Variants in SGSM3 observed in about 807,000 individuals in gnomAD.
SGSM3 encodes RUN and SH3 containing 3.
Under a neutral mutation model 100.5 loss-of-function variants are expected in SGSM3, and 96 were observed. The ratio of observed to expected loss-of-function variants is 0.96; its 90% CI spans 0.81 to 1.13. The LOEUF (loss-of-function observed/expected upper bound fraction) is 1.13. SGSM3 is among the 50% of genes most tolerant of loss of function. The pLI, the probability that SGSM3 is intolerant of heterozygous loss-of-function variation, is 0.00. For missense variants in SGSM3, 1,001 were observed against 1,015.8 expected, an observed-to-expected ratio of 0.99 and a Z score of 0.20; for synonymous variants, 483 against 422.8, an observed-to-expected ratio of 1.14 and a Z score of -1.75.
In SGSM3 at chr22:40,408,125, G is replaced by C. The variant is rs1214731643; in HGVS notation, c.1629+5G>C. On this transcript the variant is annotated splice_donor_5th_base_variant and intron_variant, in intron 15 of 21. Transcript: ENST00000248929. ...CTGGATGAGCGCAGCAAAGAGGTGA[G>C]GGGGGTGGGCGGGCTAGGCACGGCT... 6.2e-7 allele frequency: 1 copy of C among 1,610,208 alleles called. No homozygotes were observed. The highest frequency in any genetic ancestry group is 1.7e-5 in the Admixed American group (1 of 59,986).
rs1330685099 is a variant in SGSM3 at position 40,407,603 on chromosome 22, C to G, written c.1524+35C>G. 2 of 1,594,546 alleles carry G rather than the reference C, an allele frequency of 1.3e-6. No individual in the cohort carries two copies. Among genetic ancestry groups the G allele is most frequent in the African/African-American group, 2.7e-5 (2 of 74,806 alleles). ...GGCGCTGGACTACCAGGTCCTCAGG[C>G]TGTGGCGGGTTCCCCAGACTCCCTC... On this transcript the variant is annotated intron_variant, in intron 13 of 21. Transcript: ENST00000248929. The surrounding 1 kb of genome is among the most constrained non-coding windows in gnomAD (Gnocchi z 4.7).
At chr22:40,393,806 T>C (rs534823991) in intron 1 of SGSM3, among the ~76,000 whole-genome samples, 1 of 152,354 alleles carries the variant, frequency 6.6e-6, no homozygotes, top group African/African-American at 2.4e-5. Flanking sequence ...TCAAGCCCCT[T>C]TAGGAGGGGA....
At chr22:40,395,938 T>C (rs1420855869) in intron 1 of SGSM3, among the ~76,000 whole-genome samples, 3 of 152,198 alleles carry the variant, frequency 2.0e-5, no homozygotes, top group Non-Finnish European at 4.4e-5. Flanking sequence ...TACAAGCTAT[T>C]TGCCCACGTA....
At chr22:40,392,374 G>A (rs1349986730) in intron 1 of SGSM3, among the ~76,000 whole-genome samples, 1 of 151,896 alleles carries the variant, frequency 6.6e-6, no homozygotes, top group Non-Finnish European at 1.5e-5. Context: ...CTCATGCAGA[G>A]CTGTGTTAGG....
chr22:40,386,709 A>G (rs1488735831), intron 1 of SGSM3, among the ~76,000 whole-genome samples: 2 of 151,800 alleles, frequency 1.3e-5, no homozygotes, highest in East Asian at 3.9e-4. Context: ...TATGTGAGCC[A>G]GTGTGCCTGG....
chr22:40,405,605 A>ACAAAGACCTGGGTAGAAGGCCCTTGTCC, intron 7 of SGSM3, 44 bp from the exon 8 acceptor site: 8 of 1,571,112 alleles, frequency 5.1e-6, no homozygotes, highest in Non-Finnish European at 6.9e-6. Context: ...TCTAATCTGC[A>ACAAAGACCTGGGTAGAAGGCCCTTGTCC]CAAAGACCTG....
chr22:40,405,065 A>G, intron 6 of SGSM3, 76 bp from the exon 7 acceptor site: 1 of 1,442,476 alleles, frequency 6.9e-7, no homozygotes, highest in Non-Finnish European at 9.1e-7. Context: ...CTGGGGGAGA[A>G]GCCCGCCTGG....
rs1317775439 is a variant in SGSM3 at position 40,385,556 on chromosome 22, A to G, written c.-112+14868A>G. Reference sequence around the variant, plus strand: ...TTCTGAGAGGGCGGGCAGAAAGAGCAAACAGGTGAAAAGCCGTTTTGACAC... The same window carrying G: ...TTCTGAGAGGGCGGGCAGAAAGAGCGAACAGGTGAAAAGCCGTTTTGACAC... On this transcript the variant is annotated intron_variant, in intron 1 of 21. Coordinates refer to ENST00000248929, the MANE Select transcript of SGSM3 (RefSeq NM_015705.6). Among the ~76,000 whole-genome samples the G allele has an allele frequency of 1.3e-5, 2 of 152,222 alleles. 1 individual carries two copies. The highest frequency in any genetic ancestry group is 4.8e-5 in the African/African-American group (2 of 41,462).
At chr22:40,396,592 CA>C (rs778373023) in intron 1 of SGSM3, among the ~76,000 whole-genome samples, 2,357 of 44,522 alleles carry the variant, frequency 0.053, 9 homozygotes, top group African/African-American at 0.14. Flanking sequence ...GACTCTGTCT[CA>C]AAAAAAAAAA....
At chr22:40,391,226 CT>C (rs1704495198) in intron 1 of SGSM3, among the ~76,000 whole-genome samples, 1 of 152,184 alleles carries the variant, frequency 6.6e-6, no homozygotes. Flanking sequence ...CTACTCACAC[CT>C]GCTGAGTCAG....
chr22:40,374,221 G>A (rs2046138156), intron 1 of SGSM3, among the ~76,000 whole-genome samples: 2 of 152,168 alleles, frequency 1.3e-5, no homozygotes, highest in Admixed American at 6.5e-5. Context: ...CAAAGTGCTG[G>A]GATTACAGGT....
At chr22:40,380,175 T>C (rs1328523011) in intron 1 of SGSM3, among the ~76,000 whole-genome samples, 1 of 152,176 alleles carries the variant, frequency 6.6e-6, no homozygotes, top group African/African-American at 2.4e-5. Context: ...CTTTATACAG[T>C]GCTGGAAATG....
intron 1 of SGSM3, among the ~76,000 whole-genome samples, chr22:40,395,864 C>CGTAA (rs2049979794): frequency 6.6e-6 from 1 of 152,282 alleles, no homozygotes; most frequent in Admixed American, 6.5e-5. Context: ...TCACTTCAGC[C>CGTAA]TCATTCTCCG....
intron 14 of SGSM3, 70 bp from the exon 15 acceptor site, chr22:40,408,001 G>C: frequency 3.9e-6 from 6 of 1,542,606 alleles, no homozygotes; most frequent in Non-Finnish European, 5.3e-6. Flanking sequence ...GCCTCAGCCT[G>C]CCTGCAGGCT....
chr22:40,404,693 G>A, intron 6 of SGSM3, 29 bp downstream of exon 6: 2 of 1,525,634 alleles, frequency 1.3e-6, no homozygotes, highest in Admixed American at 1.7e-5. Context: ...TGCAGGAAGA[G>A]CTGGAGGCTG....
chr22:40,398,266 C>CAAGATGTCTTTACTTT (rs1260065899), intron 1 of SGSM3, among the ~76,000 whole-genome samples: 253 of 142,054 alleles, frequency 1.8e-3, no homozygotes, highest in Admixed American at 2.5e-3. Context: ...CGGGCCCAGC[C>CAAGATGTCTTTACTTT]TGTCATCTGA....
rs746278418 is a variant in SGSM3 at position 40,407,530 on chromosome 22, G to A, written c.1486G>A (p.Asp496Asn). ...KALLDFERHD[D>N]DELGFRKNDI... ...CCTGCTGGACTTTGAGCGGCACGAC[G>A]ACGACGAGCTGGGCTTCCGCAAGAA... Residue 496 changes from aspartate (D) to asparagine (N), a missense_variant, in exon 13 of 22, where the codon GAC (aspartate) becomes AAC (asparagine). Physicochemically the swap from Asp to Asn is conservative, Grantham distance 23. Transcript: ENST00000248929. The surrounding 1 kb of genome is among the most constrained non-coding windows in gnomAD (Gnocchi z 4.7). 38 of 1,606,834 alleles carry A rather than the reference G, an allele frequency of 2.4e-5. No homozygotes were observed. The highest frequency in any genetic ancestry group is 1.6e-4 in the Middle Eastern group (1 of 6,080).
chr22:40,406,268 TG>T (rs1461928394), intron 9 of SGSM3, 45 bp downstream of exon 9: 3 of 1,606,382 alleles, frequency 1.9e-6, no homozygotes, highest in Admixed American at 3.4e-5. Flanking sequence ...GCACCCGAGA[TG>T]GGGGGCAGGG....
At chr22:40,395,957 A>T (rs1466170169) in intron 1 of SGSM3, among the ~76,000 whole-genome samples, 1 of 152,196 alleles carries the variant, frequency 6.6e-6, no homozygotes, top group African/African-American at 2.4e-5. Flanking sequence ...TAGCAGCCAG[A>T]TTGGAGCCAC....
Sources: allele counts gnomAD v4.1 joint callset (sites outside exome capture counted in the v4.1 genomes callset), GRCh38; gene constraint gnomAD v4.1.1; non-coding constraint Gnocchi (gnomAD v3.1); transcripts MANE v1.5; gene names NCBI Gene and HGNC (gene_info 2026-07-23, HGNC 2026-07-21).